Variants in EML1 observed in about 807,000 individuals in gnomAD.
The protein encoded by EML1 is EMAP like 1, also known as echinoderm microtubule-associated protein-like 1.
In EML1, 27 loss-of-function variants were observed where a neutral mutation model predicts 110.4. The ratio of observed to expected loss-of-function variants is 0.24; its 90% CI spans 0.18 to 0.34. EML1 has a LOEUF of 0.34. Ranked by LOEUF, EML1 falls within the 10% of genes least tolerant of loss-of-function variation. The pLI, the probability that EML1 is intolerant of heterozygous loss-of-function variation, is 1.00. For synonymous variants in EML1, 344 were observed against 385.8 expected (o/e 0.89, Z 1.27); for missense variants, 741 against 1,030.9 (o/e 0.72, Z 3.85).
chr14:99,861,064 G>C (rs545626824), intron 2 of EML1, among the ~76,000 whole-genome samples: 2 of 152,300 alleles, frequency 1.3e-5, no homozygotes, highest in South Asian at 4.1e-4. Flanking sequence ...TATCACTCAA[G>C]AAAGAATGAA....
At chr14:99,876,585 T>G (rs1335861684) in intron 3 of EML1, among the ~76,000 whole-genome samples, 2 of 152,204 alleles carry the variant, frequency 1.3e-5, no homozygotes, top group East Asian at 3.9e-4. Flanking sequence ...CTCGGTGATT[T>G]CCTCTGCATC....
At chr14:99,875,611 A>G (rs2059277808) in intron 3 of EML1, among the ~76,000 whole-genome samples, 3 of 152,208 alleles carry the variant, frequency 2.0e-5, no homozygotes. Context: ...AGGACGCCCC[A>G]GAAGCTGTGC....
intron 4 of EML1, among the ~76,000 whole-genome samples, chr14:99,884,972 G>A (rs962795871): frequency 3.3e-5 from 5 of 152,226 alleles, no homozygotes; most frequent in African/African-American, 1.2e-4. Flanking sequence ...GTGCTTTTCA[G>A]ATGGTGTCGT....
intron 1 of EML1, among the ~76,000 whole-genome samples, chr14:99,778,999 G>A (rs1231827306): frequency 6.6e-6 from 1 of 152,162 alleles, no homozygotes; most frequent in Non-Finnish European, 1.5e-5. Context: ...TGGTGGTGGT[G>A]TTTTGTTTTG....
chr14:99,856,860 T>C (rs2058911208), intron 2 of EML1, among the ~76,000 whole-genome samples: 1 of 152,266 alleles, frequency 6.6e-6, no homozygotes, highest in South Asian at 2.1e-4. Context: ...GTTTTCATTA[T>C]GACCCTCTCC....
intron 4 of EML1, among the ~76,000 whole-genome samples, chr14:99,882,881 C>G (rs557899007): frequency 6.6e-6 from 1 of 151,982 alleles, no homozygotes; most frequent in African/African-American, 2.4e-5. Context: ...GTGTGGTGCC[C>G]TTTTGTGTTG....
At chr14:99,749,632 A>C (rs74795798) in intron 1 of EML1, among the ~76,000 whole-genome samples, 239 of 152,304 alleles carry the variant, frequency 1.6e-3, no homozygotes, top group Non-Finnish European at 2.7e-3. Context: ...AGGGAGGGAC[A>C]TGGAGAAAGC....
At chr14:99,819,915 G>A (rs2058234397) in intron 1 of EML1, among the ~76,000 whole-genome samples, 1 of 152,186 alleles carries the variant, frequency 6.6e-6, no homozygotes, top group Non-Finnish European at 1.5e-5. Context: ...AAAATCAAGA[G>A]GAATAAAATA....
At chr14:99,855,386 G>T (rs2058885290) in intron 2 of EML1, among the ~76,000 whole-genome samples, 1 of 152,180 alleles carries the variant, frequency 6.6e-6, no homozygotes. Flanking sequence ...TGAATCTGAG[G>T]TCAACAGCAG....
intron 3 of EML1, among the ~76,000 whole-genome samples, chr14:99,866,270 T>C (rs2059097147): frequency 6.6e-6 from 1 of 152,114 alleles, no homozygotes. Flanking sequence ...CATTTTTAAG[T>C]GTAGAGTTCA....
chr14:99,877,924 G>A (rs955790684), intron 3 of EML1, among the ~76,000 whole-genome samples: 2 of 152,120 alleles, frequency 1.3e-5, no homozygotes, highest in African/African-American at 4.8e-5. Flanking sequence ...CATCCCCCCG[G>A]GTTGCACACC....
At chr14:99,801,912 A>G (rs1334492191) in intron 1 of EML1, among the ~76,000 whole-genome samples, 5 of 152,224 alleles carry the variant, frequency 3.3e-5, no homozygotes. Context: ...CGAGGATGAC[A>G]TGGTCCTTAG....
rs74083914 is a variant in EML1, at chr14:99,760,557, C to T, written c.28+22697C>T. On this transcript the variant is annotated intron_variant, in intron 1 of 10. Transcript: ENST00000554479. ...CTTTTAGACTTTCATGAATTTAATTCTTATGTCACATTCCTAATGGGGGAT... is the reference window on the plus strand; with the variant it reads ...CTTTTAGACTTTCATGAATTTAATTTTTATGTCACATTCCTAATGGGGGAT... 7.8e-3 allele frequency among the ~76,000 whole-genome samples: 1,194 copies of T among 152,292 alleles called. 11 individuals carry two copies. Among genetic ancestry groups the T allele is most frequent in the African/African-American group, 0.027 (1,128 of 41,554 alleles).
Position 99,937,972 on chromosome 14 carries a change from C to G in EML1, c.2191+60C>G. 2.6e-6 allele frequency: 4 copies of G among 1,532,840 alleles called. No homozygotes were observed. The South Asian group carries it at 4.5e-5, about 17-fold the overall frequency. 95.0% of individuals were successfully genotyped at this position (1,532,840 alleles called of 1,614,324 possible). On this transcript the variant is annotated intron_variant, in intron 20 of 21. Transcript: ENST00000262233. ...AAGAGTGTCTCCTTTTAAAATATTT[C>G]TTCAGTTGCTACGGAGTCTCATGGT... is the stretch of plus-strand genomic sequence containing the variant.
At chr14:99,818,881 A>C (rs529777285) in intron 1 of EML1, among the ~76,000 whole-genome samples, 2 of 152,312 alleles carry the variant, frequency 1.3e-5, no homozygotes, top group East Asian at 3.9e-4. Context: ...AGCAGAGAAG[A>C]ATTTTAAATT....
intron 1 of EML1, chr14:99,850,096 A>AT (rs561661395): frequency 0.099 from 30,812 of 310,460 alleles, 1,151 homozygotes; most frequent in African/African-American, 0.24. Flanking sequence ...CACCTGGCTA[A>AT]TTTTTTTTTT....
intron 1 of EML1, among the ~76,000 whole-genome samples, chr14:99,823,397 G>C (rs2058297535): frequency 6.6e-6 from 1 of 151,960 alleles, no homozygotes; most frequent in Admixed American, 6.6e-5. Flanking sequence ...GTTGCAGGAG[G>C]GTCACCAGGC....
intron 4 of EML1, among the ~76,000 whole-genome samples, chr14:99,888,542 C>A (rs911275403): frequency 6.6e-6 from 1 of 152,194 alleles, no homozygotes; most frequent in Non-Finnish European, 1.5e-5. Context: ...CTGTCCTCAC[C>A]TCCTTCTGCC....
intron 4 of EML1, 26 bp downstream of exon 4, chr14:99,878,645 C>G: frequency 6.2e-7 from 1 of 1,606,970 alleles, no homozygotes; most frequent in Non-Finnish European, 8.5e-7. Context: ...CTCTCAGTTC[C>G]TGCTGTTCAG....
Sources: allele counts gnomAD v4.1 joint callset (sites outside exome capture counted in the v4.1 genomes callset), GRCh38; gene constraint gnomAD v4.1.1; transcripts MANE v1.5; gene names NCBI Gene and HGNC (gene_info 2026-07-23, HGNC 2026-07-21).